The following LUZP2 variants were observed in gnomAD, a reference collection of about 807,000 sequenced individuals.
LUZP2 encodes the protein leucine zipper protein 2.
In LUZP2, 52 loss-of-function variants were observed where a neutral mutation model predicts 51.6. The observed-to-expected ratio is 1.01, with a 90% CI of 0.81 to 1.27. The LOEUF is 1.27. Among genes scored for constraint, LUZP2 ranks in the 50% most tolerant of loss-of-function variants. LUZP2 has a pLI of 0.00. For synonymous variants in LUZP2, 154 were observed against 137.3 expected, an observed-to-expected ratio of 1.12 and a Z score of -0.85; for missense variants, 436 against 395.4, an observed-to-expected ratio of 1.10 and a Z score of -0.87.
chr11:24,504,536 T>C (rs1373896914), intron 1 of LUZP2, among the ~76,000 whole-genome samples: 3 of 152,274 alleles, frequency 2.0e-5, no homozygotes, highest in African/African-American at 7.2e-5. Context: ...ATCTAATATT[T>C]AGGGCCATTA....
chr11:24,500,117 C>T (rs1247268811), intron 1 of LUZP2, among the ~76,000 whole-genome samples: 2 of 151,678 alleles, frequency 1.3e-5, no homozygotes, highest in East Asian at 1.9e-4. Context: ...AATTTAATCA[C>T]AGTGAACATC....
intron 8 of LUZP2, among the ~76,000 whole-genome samples, chr11:24,980,115 A>C (rs1380639490): frequency 6.6e-6 from 1 of 151,786 alleles, no homozygotes; most frequent in Non-Finnish European, 1.5e-5. Flanking sequence ...GTTTGGCCTC[A>C]CAGTCTCTCA....
At chr11:25,008,157 A>G (rs1252828777) in intron 9 of LUZP2, among the ~76,000 whole-genome samples, 4 of 152,160 alleles carry the variant, frequency 2.6e-5, no homozygotes, top group African/African-American at 4.8e-5. Context: ...CACTCGGCCT[A>G]TTGGGCTGCA....
At chr11:24,782,069 A>G (rs1014182073) in intron 5 of LUZP2, among the ~76,000 whole-genome samples, 1 of 152,052 alleles carries the variant, frequency 6.6e-6, no homozygotes, top group African/African-American at 2.4e-5. Context: ...AGCTTCTTTA[A>G]TATGTAGATT....
Position 24,871,347 on chromosome 11 carries a change from G to T in LUZP2, c.397-34644G>T, listed in dbSNP as rs535053740. Among the ~76,000 whole-genome samples the T allele has an allele frequency of 3.3e-5, 5 of 152,004 alleles. No homozygotes were observed. In the South Asian group the frequency reaches 8.3e-4, roughly 25 times the overall value. On this transcript the variant is annotated intron_variant, in intron 5 of 11. Coordinates refer to ENST00000336930, the MANE Select transcript of LUZP2 (RefSeq NM_001009909.4). ...TGAATGACCTTAAACCACTAACATAGTTTTCTTTCATCTGGTTTTCCAATC... is the reference window on the plus strand; with the variant it reads ...TGAATGACCTTAAACCACTAACATATTTTTCTTTCATCTGGTTTTCCAATC...
Position 24,621,207 on chromosome 11 carries a change from C to T in LUZP2, c.63-107962C>T, listed in dbSNP as rs1590253558. On this transcript the variant is annotated intron_variant, in intron 1 of 11. Transcript: ENST00000336930. ...TGCATTGAAGTTTAATTTATAACAG[C>T]TTCTGTGTTTGACTCTTAACATTTT... is the stretch of plus-strand genomic sequence containing the variant. Among the ~76,000 whole-genome samples the T allele has an allele frequency of 2.6e-5, 4 of 152,288 alleles. No individual in the cohort carries two copies. The East Asian group carries it at 7.7e-4, about 29-fold the overall frequency.
intron 5 of LUZP2, among the ~76,000 whole-genome samples, chr11:24,859,814 T>G (rs1851682079): frequency 6.6e-6 from 1 of 152,220 alleles, no homozygotes; most frequent in South Asian, 2.1e-4. Context: ...GAAACTGTGC[T>G]TTTTCCACTG....
At chr11:24,687,344 A>T (rs1334175438) in intron 1 of LUZP2, among the ~76,000 whole-genome samples, 1 of 152,182 alleles carries the variant, frequency 6.6e-6, no homozygotes, top group Non-Finnish European at 1.5e-5. Flanking sequence ...TCATTGTCAT[A>T]GGCAAAAATC....
intron 7 of LUZP2, among the ~76,000 whole-genome samples, chr11:24,959,827 G>A (rs888104341): frequency 6.6e-6 from 1 of 152,104 alleles, no homozygotes; most frequent in Non-Finnish European, 1.5e-5. Context: ...CCTGTCTTGT[G>A]CCAGTTTTCA....
At chr11:24,722,053 G>T (rs548795270) in intron 1 of LUZP2, among the ~76,000 whole-genome samples, 1 of 152,016 alleles carries the variant, frequency 6.6e-6, no homozygotes, top group African/African-American at 2.4e-5. Flanking sequence ...ATATGTTCCC[G>T]TGCAACACAG....
At chr11:24,535,637 T>C (rs552782768) in intron 1 of LUZP2, among the ~76,000 whole-genome samples, 3 of 151,688 alleles carry the variant, frequency 2.0e-5, no homozygotes, top group South Asian at 2.1e-4. Context: ...TCTAATTTTA[T>C]TTTTCTTGCA....
At chr11:24,518,735 G>T (rs529021590) in intron 1 of LUZP2, among the ~76,000 whole-genome samples, 2 of 152,246 alleles carry the variant, frequency 1.3e-5, no homozygotes, top group Non-Finnish European at 2.9e-5. Flanking sequence ...CTCTGAAAAA[G>T]AATTTGGAGG....
intron 5 of LUZP2, among the ~76,000 whole-genome samples, chr11:24,898,236 G>A (rs1853147716): frequency 7.8e-6 from 1 of 128,082 alleles, no homozygotes; most frequent in African/African-American, 2.8e-5. Context: ...CAGTTTATGA[G>A]TGACAATTAT....
chr11:24,966,155 A>G (rs947880148), intron 7 of LUZP2, among the ~76,000 whole-genome samples: 48 of 151,784 alleles, frequency 3.2e-4, no homozygotes, highest in African/African-American at 1.2e-3. Context: ...CATTTTACAT[A>G]TAAATAAACC....
At chr11:24,647,150 T>A (rs543266365) in intron 1 of LUZP2, among the ~76,000 whole-genome samples, 25 of 152,142 alleles carry the variant, frequency 1.6e-4, no homozygotes, top group African/African-American at 6.0e-4. Context: ...GTCAAGCTTA[T>A]CCTCATCACA....
intron 1 of LUZP2, among the ~76,000 whole-genome samples, chr11:24,663,742 GA>G (rs1856106280): frequency 1.3e-5 from 2 of 152,094 alleles, no homozygotes; most frequent in Admixed American, 1.3e-4. Context: ...GGAGGTAATT[GA>G]ATCATGGGGG....
At chr11:24,721,051 A>G (rs989944016) in intron 1 of LUZP2, among the ~76,000 whole-genome samples, 8 of 152,216 alleles carry the variant, frequency 5.3e-5, no homozygotes, top group African/African-American at 1.7e-4. Context: ...CACATGGCCA[A>G]TAGCAGGAGA....
At chr11:24,872,043 C>A (rs552640748) in intron 5 of LUZP2, among the ~76,000 whole-genome samples, 1 of 152,086 alleles carries the variant, frequency 6.6e-6, no homozygotes, top group Admixed American at 6.6e-5. Flanking sequence ...GTTTTCATCC[C>A]CACACCACCT....
chr11:24,957,701 T>A (rs1341624187), intron 7 of LUZP2, among the ~76,000 whole-genome samples: 1 of 152,190 alleles, frequency 6.6e-6, no homozygotes, highest in African/African-American at 2.4e-5. Flanking sequence ...CTGAATAATA[T>A]TTCCTTGTTT....
Sources: gnomAD v4.1 joint callset for allele counts (sites outside exome capture counted in the v4.1 genomes callset) on GRCh38, gnomAD v4.1.1 for gene constraint, MANE v1.5 for transcripts, NCBI Gene and HGNC (gene_info 2026-07-23, HGNC 2026-07-21) for gene names.